Variants in FKBP6 observed in about 807,000 individuals in gnomAD.
FKBP6 encodes FKBP prolyl isomerase family member 6 (inactive), also known as inactive peptidyl-prolyl cis-trans isomerase FKBP6.
Under a neutral mutation model 41.7 loss-of-function variants are expected in FKBP6, and 29 were observed. The ratio of observed to expected loss-of-function variants is 0.70; its 90% confidence interval spans 0.52 to 0.95. The LOEUF is 0.95. Ranked by LOEUF, FKBP6 falls within the 40% of genes least tolerant of loss-of-function variation. The pLI is 0.00. For synonymous variants in FKBP6, 130 were observed against 165.1 expected, an observed-to-expected ratio of 0.79 and a Z score of 1.63; for missense variants, 338 against 408.7, an observed-to-expected ratio of 0.83 and a Z score of 1.49.
rs1392418148 is a variant in FKBP6, at chr7:73,341,272, G to A, written c.784-1G>A. On this transcript the variant is annotated splice_acceptor_variant, in intron 6 of 8. Transcript: ENST00000252037. LOFTEE classifies it high-confidence loss of function. The stretch of plus-strand genomic sequence containing the variant: ...CTTTTAAAGTTCTCTCCTTGGGACA[G>A]GCTTGTCTTCTCCTGACTGAGTATC... 2 of 1,601,350 alleles carry A rather than the reference G, an allele frequency of 1.2e-6. No homozygotes were observed. Among genetic ancestry groups the A allele is most frequent in the Non-Finnish European group, 1.7e-6 (2 of 1,168,316 alleles).
rs565361992 is a variant in FKBP6 at position 73,329,870 on chromosome 7, T to G, written c.266-280T>G. On this transcript the variant is annotated intron_variant, in intron 3 of 8. Coordinates refer to ENST00000252037, the MANE Select transcript of FKBP6 (RefSeq NM_003602.5). ...ATGAGTGCCTGGGAGGTGAAAGCAGTGTTGTGGGTGTGCTTAATGAAGGCA... is the reference window on the plus strand; with the variant it reads ...ATGAGTGCCTGGGAGGTGAAAGCAGGGTTGTGGGTGTGCTTAATGAAGGCA... 5.5e-6 allele frequency: 3 copies of G among 548,178 alleles called. No individual in the cohort carries two copies. The East Asian group carries it at 9.9e-5, about 18-fold the overall frequency. 34.0% of individuals were successfully genotyped at this position (548,178 alleles called of 1,614,324 possible). A position where few individuals can be genotyped will look rare whatever the true frequency, so the allele number is the denominator to read the frequency against.
intron 8 of FKBP6, among the ~76,000 whole-genome samples, chr7:73,355,788 C>T (rs781917929): frequency 2.6e-5 from 4 of 151,968 alleles, no homozygotes; most frequent in Non-Finnish European, 5.9e-5. Context: ...ACATGCCAGC[C>T]GGGTGCGATG....
rs1554549325 is a variant in FKBP6 at position 73,340,676 on chromosome 7, A to G, written c.627A>G (p.Glu209=). ...LLLRRRSAPP[E]EQHLVEAAKL... is the part of the protein sequence containing the mutation. Reference sequence around the variant, plus strand: ...TGCGCCGGCGATCAGCACCCCCTGAAGAGCAGCACCTGGTGGAGGCCGCCA... The same window carrying G: ...TGCGCCGGCGATCAGCACCCCCTGAGGAGCAGCACCTGGTGGAGGCCGCCA... Residue 209 remains glutamate, a synonymous_variant, in exon 6 of 9, where the codon GAA becomes GAG. Transcript: ENST00000252037. 2 of 1,613,922 alleles carry G rather than the reference A, an allele frequency of 1.2e-6. No individual in the cohort carries two copies. The highest frequency in any genetic ancestry group is 1.7e-6 in the Non-Finnish European group (2 of 1,180,008).
intron 8 of FKBP6, among the ~76,000 whole-genome samples, chr7:73,351,161 C>T (rs1390131140): frequency 6.6e-6 from 1 of 152,116 alleles, no homozygotes; most frequent in East Asian, 1.9e-4. Flanking sequence ...CTCACTGCAA[C>T]GTTCGCCACA....
intron 5 of FKBP6, among the ~76,000 whole-genome samples, chr7:73,338,172 C>T (rs1198839693): frequency 2.6e-5 from 4 of 152,038 alleles, no homozygotes; most frequent in African/African-American, 9.7e-5. Context: ...ATTACAGGCA[C>T]CTGCCACCAC....
At chr7:73,350,801 C>G (rs770526591) in intron 8 of FKBP6, among the ~76,000 whole-genome samples, 1 of 152,082 alleles carries the variant, frequency 6.6e-6, no homozygotes, top group Non-Finnish European at 1.5e-5. Flanking sequence ...GTGCCAATGC[C>G]GAGGCCACAG....
At chr7:73,343,342 CT>C (rs1302599680) in intron 8 of FKBP6, among the ~76,000 whole-genome samples, 3 of 150,946 alleles carry the variant, frequency 2.0e-5, no homozygotes, top group African/African-American at 2.4e-5. Context: ...TTTAAAAAAC[CT>C]TTTTTTTTCA....
rs1554549375 is a variant in FKBP6, at chr7:73,340,797, C to G, written c.748C>G (p.Gln250Glu). ...TGGAGAGCAGGCTTTGATCATTGAC[C>G]AAAAGAATGCCAAGGCCCTCTTCAG... is the stretch of plus-strand genomic sequence containing the variant. ...CYGEQALIID[Q>E]KNAKALFRCG... The change falls in exon 6 of 9, where the codon CAA becomes GAA. Residue 250 changes from glutamine (Q) to glutamate (E), a missense_variant. By Grantham distance (29) the Gln-to-Glu change is conservative (BLOSUM62 2). This residue lies in a region of FKBP6 where 239 missense variants were observed against 250.1 expected (regional missense o/e 0.96). Transcript: ENST00000252037. 6.2e-7 allele frequency: 1 copy of G among 1,613,804 alleles called. No homozygotes were observed. Among genetic ancestry groups the G allele is most frequent in the African/African-American group, 1.3e-5 (1 of 74,812 alleles).
At chr7:73,342,932 C>T in intron 8 of FKBP6, 33 bp downstream of exon 8, 2 of 1,443,410 alleles carry the variant, frequency 1.4e-6, no homozygotes, top group Non-Finnish European at 9.8e-7. Flanking sequence ...ACACAGGCTT[C>T]CGGATGGAGA....
chr7:73,335,688 A>G (rs1340332837), intron 5 of FKBP6, among the ~76,000 whole-genome samples: 8 of 152,042 alleles, frequency 5.3e-5, no homozygotes, highest in African/African-American at 1.9e-4. Context: ...TCCTGGTTCC[A>G]TCAGTTCCTA....
At chr7:73,331,306 C>T (rs1804833522) in intron 4 of FKBP6, among the ~76,000 whole-genome samples, 1 of 152,154 alleles carries the variant, frequency 6.6e-6, no homozygotes, top group East Asian at 1.9e-4. Context: ...TTTTTGATTC[C>T]ATGGGACACT....
At chr7:73,339,446 T>C (rs1554549062) in intron 5 of FKBP6, among the ~76,000 whole-genome samples, 2 of 152,230 alleles carry the variant, frequency 1.3e-5, no homozygotes, top group South Asian at 2.1e-4. Context: ...TCTGTCCTTA[T>C]GCCGGTGCTA....
intron 8 of FKBP6, among the ~76,000 whole-genome samples, chr7:73,356,683 C>T (rs1271831417): frequency 1.3e-5 from 2 of 152,196 alleles, no homozygotes; most frequent in Non-Finnish European, 2.9e-5. Context: ...ATAACTCTGT[C>T]ATTAATTCTG....
intron 8 of FKBP6, among the ~76,000 whole-genome samples, chr7:73,346,243 C>T (rs1220253849): frequency 6.6e-6 from 1 of 152,200 alleles, no homozygotes; most frequent in East Asian, 1.9e-4. Context: ...CCCTGCCCCG[C>T]GTGGCCCGCC....
chr7:73,331,939 C>T (rs1412018206), intron 5 of FKBP6, among the ~76,000 whole-genome samples, 163 bp downstream of exon 5: 12 of 152,138 alleles, frequency 7.9e-5, no homozygotes, highest in African/African-American at 2.4e-4. Flanking sequence ...TCTCAGCTCA[C>T]TGCAAGCTCC....
At chr7:73,335,266 A>G (rs1187274432) in intron 5 of FKBP6, among the ~76,000 whole-genome samples, 1 of 152,182 alleles carries the variant, frequency 6.6e-6, no homozygotes, top group Non-Finnish European at 1.5e-5. Flanking sequence ...TTTAAAAGAG[A>G]CATCACAAAG....
intron 8 of FKBP6, among the ~76,000 whole-genome samples, chr7:73,350,182 G>C (rs1805451193): frequency 6.6e-6 from 1 of 152,198 alleles, no homozygotes; most frequent in Non-Finnish European, 1.5e-5. Context: ...ATCCCATGTA[G>C]CCATGAATAA....
At chr7:73,331,488 C>G (rs541279938) in intron 4 of FKBP6, among the ~76,000 whole-genome samples, 169 bp from the exon 5 acceptor site, 1 of 152,354 alleles carries the variant, frequency 6.6e-6, no homozygotes, top group East Asian at 1.9e-4. Flanking sequence ...GAGCTCACAG[C>G]TGTAGTAACA....
At chr7:73,335,350 T>C (rs1384875437) in intron 5 of FKBP6, among the ~76,000 whole-genome samples, 1 of 152,178 alleles carries the variant, frequency 6.6e-6, no homozygotes, top group Non-Finnish European at 1.5e-5. Flanking sequence ...CATTAGAGTA[T>C]GTAGGTGTTT....
Sources: allele counts gnomAD v4.1 joint callset (sites outside exome capture counted in the v4.1 genomes callset), GRCh38; gene constraint gnomAD v4.1.1; regional missense constraint gnomAD v4.1.1; transcripts MANE v1.5; gene names NCBI Gene and HGNC (gene_info 2026-07-23, HGNC 2026-07-21).